MGAT4C: variants seen among roughly 807,000 people sequenced by gnomAD.
The protein encoded by MGAT4C is MGAT4 family member C, also known as alpha-1,3-mannosyl-glycoprotein 4-beta-N-acetylglucosaminyltransferase C.
In MGAT4C, 19 loss-of-function variants were observed where a neutral mutation model predicts 40.1. The observed-to-expected ratio is 0.47, with a 90% CI of 0.33 to 0.70. The LOEUF is 0.70. Among genes scored for constraint, MGAT4C ranks in the 30% least tolerant of loss-of-function variants. The probability of loss-of-function intolerance (pLI) is 0.02; values close to 1 mark genes in which losing one functional copy is unlikely to be tolerated. For synonymous variants in MGAT4C, 181 were observed against 187.1 expected, an observed-to-expected ratio of 0.97 and a Z score of 0.27; for missense variants, 491 against 563.2, an observed-to-expected ratio of 0.87 and a Z score of 1.30.
intron 1 of MGAT4C, among the ~76,000 whole-genome samples, chr12:86,758,069 C>A (rs951451000): frequency 1.3e-5 from 2 of 152,088 alleles, no homozygotes; most frequent in African/African-American, 2.4e-5. Context: ...TGAGCACAAT[C>A]CATGGGACAC....
intron 1 of MGAT4C, among the ~76,000 whole-genome samples, chr12:86,246,395 G>C (rs1324650620): frequency 2.0e-5 from 3 of 151,916 alleles, no homozygotes; most frequent in Non-Finnish European, 4.4e-5. Context: ...CTTCATTCCA[G>C]AAGGTTTCTT....
At chr12:86,081,744 T>G (rs1276383651) in intron 1 of MGAT4C, among the ~76,000 whole-genome samples, 2 of 151,940 alleles carry the variant, frequency 1.3e-5, no homozygotes, top group African/African-American at 2.4e-5. Context: ...CATGCTGATA[T>G]ATAAAAGAAA....
intron 1 of MGAT4C, among the ~76,000 whole-genome samples, chr12:86,142,615 T>A (rs1378656643): frequency 6.6e-6 from 1 of 152,184 alleles, no homozygotes; most frequent in Admixed American, 6.5e-5. Context: ...GAATATATAG[T>A]AGGGGATTGT....
At chr12:86,116,652 A>G (rs929854246) in intron 1 of MGAT4C, among the ~76,000 whole-genome samples, 1 of 152,116 alleles carries the variant, frequency 6.6e-6, no homozygotes, top group Non-Finnish European at 1.5e-5. Flanking sequence ...ATTGTCCAGT[A>G]TTGGAGTGAA....
intron 1 of MGAT4C, among the ~76,000 whole-genome samples, chr12:86,066,340 T>C (rs1765486086): frequency 6.6e-6 from 1 of 152,014 alleles, no homozygotes; most frequent in African/African-American, 2.4e-5. Context: ...CAAAACAGCA[T>C]TGTACTGCTA....
At chr12:86,191,083 GCA>G (rs56357601) in intron 1 of MGAT4C, among the ~76,000 whole-genome samples, 11,805 of 138,218 alleles carry the variant, frequency 0.085, 535 homozygotes, top group Non-Finnish European at 0.1. Flanking sequence ...CTCTCTCTCT[GCA>G]CACACACACA....
intron 3 of MGAT4C, among the ~76,000 whole-genome samples, chr12:86,394,534 T>C (rs1382552053): frequency 6.9e-6 from 1 of 145,510 alleles, no homozygotes; most frequent in Non-Finnish European, 1.5e-5. Context: ...ATATATTTTA[T>C]ACATATATTT....
At chr12:86,703,698 T>C (rs971344441) in intron 2 of MGAT4C, among the ~76,000 whole-genome samples, 2 of 152,202 alleles carry the variant, frequency 1.3e-5, no homozygotes, top group Non-Finnish European at 2.9e-5. Flanking sequence ...GTTATCTTTA[T>C]TGTGATATTC....
At position 86,684,269 on chromosome 12, in the gene MGAT4C, A is replaced by C. The variant is rs1317005596; in HGVS notation, c.-229+42940T>G. Among the ~76,000 whole-genome samples the C allele has an allele frequency of 2.0e-5, 3 of 152,182 alleles. No individual in the cohort carries two copies. The East Asian group carries it at 5.8e-4, about 29-fold the overall frequency. ...CATTGTTCAACCCCACTTATGAGTG[A>C]AAACATGTGGTGTTTGGTTTTCTGT... On this transcript the variant is annotated intron_variant, in intron 2 of 7. Coordinates refer to the MGAT4C transcript ENST00000548651.
rs1201793460 is a variant in MGAT4C, at chr12:86,408,471, CTCTCTCTCTATATATATATA to C, written c.-120+26666_-120+26685del. ...AAACTCTCTCTCTCTCTCTCTCTCT[CTCTCTCTCTATATATATATA>C]TATATATATATATATATATATATTC... is the stretch of plus-strand genomic sequence containing the variant. On this transcript the variant is annotated intron_variant, in intron 3 of 7. Transcript: ENST00000548651. Among the ~76,000 whole-genome samples, 30 of 109,432 alleles carry C rather than the reference CTCTCTCTCTATATATATATA, an allele frequency of 2.7e-4. 1 individual carries two copies. The highest frequency in any genetic ancestry group is 1.1e-3 in the African/African-American group (28 of 25,004). The allele number at this position is 109,432 out of a possible 152,430, so 71.8% of individuals were successfully genotyped here.
In MGAT4C at chr12:86,565,213, A is replaced by G. The variant is rs115732071; in HGVS notation, c.-228-129948T>C. 2.6e-3 allele frequency among the ~76,000 whole-genome samples: 393 copies of G among 152,224 alleles called. 1 individual carries two copies. Among genetic ancestry groups the G allele is most frequent in the African/African-American group, 9.3e-3 (386 of 41,542 alleles). On this transcript the variant is annotated intron_variant, in intron 2 of 7. Transcript: ENST00000548651. ...CAGCAGCATTTCATCATCAAGTTGAAGTGGTATATATGTGATCAGGCTCAA... is the reference window on the plus strand; with the variant it reads ...CAGCAGCATTTCATCATCAAGTTGAGGTGGTATATATGTGATCAGGCTCAA...
Position 86,589,361 on chromosome 12 carries a change from T to C in MGAT4C, c.-229+137848A>G, listed in dbSNP as rs1212738577. Among the ~76,000 whole-genome samples the C allele has an allele frequency of 2.0e-5, 3 of 152,066 alleles. No individual in the cohort carries two copies. The East Asian group carries it at 5.8e-4, about 29-fold the overall frequency. On this transcript the variant is annotated intron_variant, in intron 2 of 7. Transcript: ENST00000548651. Reference sequence around the variant, plus strand: ...TCCCAAGACTAAACCAGGAAGAAGTTGAATCTCTGAATTGACCAATAACAG... The same window carrying C: ...TCCCAAGACTAAACCAGGAAGAAGTCGAATCTCTGAATTGACCAATAACAG...
chr12:86,012,528 G>T (rs949734048), intron 2 of MGAT4C, among the ~76,000 whole-genome samples: 8 of 151,868 alleles, frequency 5.3e-5, no homozygotes, highest in Non-Finnish European at 8.8e-5. Context: ...ATTACCTGAG[G>T]TCAGGAGCTC....
At position 86,365,776 on chromosome 12, in the gene MGAT4C, T is replaced by C. The variant is rs142378657; in HGVS notation, c.-119-31649A>G. 3.6e-4 allele frequency among the ~76,000 whole-genome samples: 55 copies of C among 152,148 alleles called. 1 individual carries two copies. In the East Asian group the frequency reaches 7.7e-3, roughly 21 times the overall value. On this transcript the variant is annotated intron_variant, in intron 3 of 7. Coordinates refer to the MGAT4C transcript ENST00000548651. Reference sequence around the variant, plus strand: ...TCTGTTCTATTGGTCTTGTTTCTGTTTTTGCACCAGTACCACACTGTTTTG... The same window carrying C: ...TCTGTTCTATTGGTCTTGTTTCTGTCTTTGCACCAGTACCACACTGTTTTG...
At chr12:86,443,486 C>T (rs1173017699) in intron 2 of MGAT4C, among the ~76,000 whole-genome samples, 9 of 152,160 alleles carry the variant, frequency 5.9e-5, no homozygotes, top group Non-Finnish European at 1.3e-4. Context: ...TTAATTACAA[C>T]TGATGGAATA....
chr12:86,132,529 C>T (rs555861217), intron 1 of MGAT4C, among the ~76,000 whole-genome samples: 3 of 152,078 alleles, frequency 2.0e-5, no homozygotes, highest in Non-Finnish European at 4.4e-5. Flanking sequence ...CGCGGTGGCT[C>T]ACGCCTGTAA....
At chr12:86,370,542 C>A (rs1333999391) in intron 3 of MGAT4C, among the ~76,000 whole-genome samples, 1 of 151,936 alleles carries the variant, frequency 6.6e-6, no homozygotes, top group African/African-American at 2.4e-5. Context: ...GTTGAATATC[C>A]TTTGGAAAAC....
intron 2 of MGAT4C, among the ~76,000 whole-genome samples, chr12:86,721,764 C>CA (rs1181577569): frequency 1.3e-5 from 2 of 152,012 alleles, no homozygotes; most frequent in East Asian, 3.9e-4. Context: ...TAAGATTGAA[C>CA]AAAAAAACAC....
At chr12:86,268,811 T>C (rs1592622437) in intron 4 of MGAT4C, among the ~76,000 whole-genome samples, 1 of 147,778 alleles carries the variant, frequency 6.8e-6, no homozygotes, top group Middle Eastern at 3.6e-3. Flanking sequence ...GAAATATTAT[T>C]ATTCTGAAAG....
Sources: gnomAD v4.1 joint callset for allele counts (sites outside exome capture counted in the v4.1 genomes callset) on GRCh38, gnomAD v4.1.1 for gene constraint, MANE v1.5 for transcripts, NCBI Gene and HGNC (gene_info 2026-07-23, HGNC 2026-07-21) for gene names.